The following DROSHA variants were observed in gnomAD, a reference collection of about 807,000 sequenced individuals.
DROSHA encodes the protein drosha ribonuclease III, also known as ribonuclease 3.
DROSHA carries 56 observed loss-of-function variants against 181.9 expected under a neutral mutation model. That is an observed-to-expected ratio of 0.31 (90% CI 0.25 to 0.38). DROSHA has a LOEUF of 0.38. Among genes scored for constraint, DROSHA ranks in the 10% least tolerant of loss-of-function variants. The pLI is 1.00. For missense variants in DROSHA, 1,218 were observed against 1,743.5 expected, an observed-to-expected ratio of 0.70 and a Z score of 5.37; for synonymous variants, 524 against 591.2, an observed-to-expected ratio of 0.89 and a Z score of 1.65.
intron 11 of DROSHA, among the ~76,000 whole-genome samples, chr5:31,501,649 C>T (rs1171281746): frequency 1.3e-5 from 2 of 151,054 alleles, no homozygotes; most frequent in African/African-American, 4.8e-5. Flanking sequence ...CTTAACCAAG[C>T]AGGAACTCTG....
At chr5:31,483,676 TA>T (rs1561231799) in intron 15 of DROSHA, 48 bp from the exon 16 acceptor site, 1 of 1,522,050 alleles carries the variant, frequency 6.6e-7, no homozygotes, top group Non-Finnish European at 8.8e-7. Context: ...AACTCAGTCT[TA>T]AAAAACAAGC....
At chr5:31,473,114 T>C (rs1749939003) in intron 16 of DROSHA, among the ~76,000 whole-genome samples, 1 of 152,164 alleles carries the variant, frequency 6.6e-6, no homozygotes, top group African/African-American at 2.4e-5. Flanking sequence ...TCTCCCAGGT[T>C]ATGAGATAGG....
intron 19 of DROSHA, among the ~76,000 whole-genome samples, chr5:31,465,267 ATTC>A (rs779366588): frequency 9.2e-5 from 14 of 152,322 alleles, no homozygotes; most frequent in South Asian, 8.3e-4. Flanking sequence ...GAAACCGTTT[ATTC>A]TTATAATTAA....
chr5:31,495,813 A>G (rs1488219059), intron 11 of DROSHA, among the ~76,000 whole-genome samples: 1 of 152,226 alleles, frequency 6.6e-6, no homozygotes, highest in Admixed American at 6.5e-5. Flanking sequence ...GGAACTCATG[A>G]GGCTTGCCGG....
At chr5:31,490,284 T>C (rs987962047) in intron 13 of DROSHA, among the ~76,000 whole-genome samples, 4 of 151,076 alleles carry the variant, frequency 2.6e-5, no homozygotes, top group African/African-American at 9.8e-5. Flanking sequence ...TGGGCTGAAG[T>C]GATCCTCCCG....
At chr5:31,500,874 C>T (rs1753507189) in intron 11 of DROSHA, among the ~76,000 whole-genome samples, 1 of 152,196 alleles carries the variant, frequency 6.6e-6, no homozygotes, top group African/African-American at 2.4e-5. Context: ...TCCTTCGGTA[C>T]AAAATAAGTG....
chr5:31,471,991 T>C (rs1749780648), intron 17 of DROSHA, 72 bp downstream of exon 17: 1 of 1,408,210 alleles, frequency 7.1e-7, no homozygotes, highest in South Asian at 1.8e-5. Flanking sequence ...GTGCTGTTAC[T>C]GTTTTCATGA....
At chr5:31,464,149 C>A in intron 20 of DROSHA, 87 bp downstream of exon 20, 1 of 1,078,494 alleles carries the variant, frequency 9.3e-7, no homozygotes, top group East Asian at 2.5e-5. Context: ...TTCTAAAGAA[C>A]ATTCTCAATT....
intron 23 of DROSHA, among the ~76,000 whole-genome samples, chr5:31,440,361 A>G (rs1226549517): frequency 2.0e-5 from 3 of 152,214 alleles, no homozygotes; most frequent in Non-Finnish European, 2.9e-5. Flanking sequence ...AAGTATCCCT[A>G]TAGTTTCCAT....
In DROSHA at chr5:31,469,218, G is replaced by T. The variant is rs150244739; in HGVS notation, c.2242-1155C>A. Among the ~76,000 whole-genome samples the T allele has an allele frequency of 4.0e-3, 606 of 152,206 alleles. 4 individuals are homozygous for T. The highest frequency in any genetic ancestry group is 0.014 in the African/African-American group (579 of 41,534). Reference sequence around the variant, plus strand: ...CTAAAAATACAAAAATTAGCCGGGCGTGGTGGCGCACACCTGTAGTCCCAG... The same window carrying T: ...CTAAAAATACAAAAATTAGCCGGGCTTGGTGGCGCACACCTGTAGTCCCAG... On this transcript the variant is annotated intron_variant, in intron 17 of 35. Transcript: ENST00000344624.
At position 31,525,503 on chromosome 5, in the gene DROSHA, CAAAAAAA is replaced by C. The variant is rs397970711; in HGVS notation, c.854+569_854+575del. Among the ~76,000 whole-genome samples the C allele has an allele frequency of 2.2e-3, 78 of 36,170 alleles. 1 individual carries two copies. The highest frequency in any genetic ancestry group is 0.015 in the East Asian group (10 of 682). The allele number at this position is 36,170 out of a possible 152,430, so 23.7% of individuals were successfully genotyped here. A position where few individuals can be genotyped will look rare whatever the true frequency, so the allele number is the denominator to read the frequency against. On this transcript the variant is annotated intron_variant, in intron 5 of 35. Coordinates refer to ENST00000344624, the MANE Select transcript of DROSHA (RefSeq NM_001382508.1). Reference sequence around the variant, plus strand: ...TGGGCAACATAGCGAGATTCTGTCACAAAAAAAAAAAAAAAAAAAAAAAAAGATATTT... The same window carrying C: ...TGGGCAACATAGCGAGATTCTGTCACAAAAAAAAAAAAAAAAAAGATATTT...
Position 31,409,316 on chromosome 5 carries a change from C to G in DROSHA, c.3684G>C (p.Leu1228=). The G allele has an allele frequency of 6.3e-7, 1 of 1,580,306 alleles. No homozygotes were observed. Among genetic ancestry groups the G allele is most frequent in the African/African-American group, 1.3e-5 (1 of 74,356 alleles). The change falls in exon 32 of 36, where the codon CTG becomes CTC. Residue 1228 remains leucine (L), a synonymous_variant. Transcript: ENST00000344624. The surrounding 1 kb of genome is among the most constrained non-coding windows in gnomAD (Gnocchi z 4.0). ...ADLLESFIAA[L]YIDKDLEYVH... is the part of the protein sequence containing the mutation. The stretch of plus-strand genomic sequence containing the variant: ...CATATTCCAAATCCTTATCAATGTA[C>G]AGCGCTGCAATAAATGCTGGGGAAA...
chr5:31,512,282 G>C (rs1738779784), intron 8 of DROSHA, among the ~76,000 whole-genome samples: 1 of 152,202 alleles, frequency 6.6e-6, no homozygotes, highest in Non-Finnish European at 1.5e-5. Flanking sequence ...GCACCACACA[G>C]ACGACAAAAC....
At chr5:31,491,336 A>G (rs1027691558) in intron 13 of DROSHA, among the ~76,000 whole-genome samples, 6 of 152,198 alleles carry the variant, frequency 3.9e-5, no homozygotes, top group African/African-American at 1.4e-4. Flanking sequence ...ACAAAAGCCA[A>G]TGAGATTGTT....
chr5:31,405,763 GA>G, intron 34 of DROSHA, 40 bp from the exon 35 acceptor site: 3 of 424,706 alleles, frequency 7.1e-6, no homozygotes, highest in Non-Finnish European at 1.1e-5. Flanking sequence ...TTAATTTCAA[GA>G]TTCTTTTTTT....
intron 25 of DROSHA, among the ~76,000 whole-genome samples, chr5:31,434,723 C>T (rs910369129): frequency 6.6e-6 from 1 of 152,110 alleles, no homozygotes; most frequent in African/African-American, 2.4e-5. Flanking sequence ...ACTTTCATAT[C>T]AAAATGAAGA....
intron 11 of DROSHA, among the ~76,000 whole-genome samples, chr5:31,502,748 G>A (rs746561359): frequency 6.6e-6 from 1 of 152,192 alleles, no homozygotes; most frequent in Admixed American, 6.5e-5. Flanking sequence ...TTTACAAATG[G>A]GTCAGTTGGC....
intron 24 of DROSHA, among the ~76,000 whole-genome samples, chr5:31,436,126 A>G (rs555033811): frequency 6.6e-6 from 1 of 152,348 alleles, no homozygotes; most frequent in African/African-American, 2.4e-5. Flanking sequence ...ATGACAACAA[A>G]GAGCAGAATA....
chr5:31,442,199 T>C (rs185256577), intron 23 of DROSHA, among the ~76,000 whole-genome samples: 106 of 152,368 alleles, frequency 7.0e-4, no homozygotes, highest in Non-Finnish European at 9.6e-4. Flanking sequence ...CTGCCATTTA[T>C]TAAATAATTT....
Sources: gnomAD v4.1 joint callset for allele counts (sites outside exome capture counted in the v4.1 genomes callset) on GRCh38, gnomAD v4.1.1 for gene constraint, Gnocchi (gnomAD v3.1) non-coding constraint, MANE v1.5 for transcripts, NCBI Gene and HGNC (gene_info 2026-07-23, HGNC 2026-07-21) for gene names.